STAG1: variants seen among roughly 807,000 people sequenced by gnomAD.
STAG1 encodes the protein cohesin subunit SA-1.
STAG1 carries 26 observed loss-of-function variants against 170.9 expected under a neutral mutation model. The observed-to-expected ratio is 0.15, with a 90% confidence interval of 0.11 to 0.21. The LOEUF (loss-of-function observed/expected upper bound fraction) is 0.21, where lower values mean the gene tolerates loss of function less well. STAG1 is among the 10% of genes least tolerant of loss of function. The probability of loss-of-function intolerance (pLI) is 1.00; values close to 1 mark genes in which losing one functional copy is unlikely to be tolerated. For synonymous variants in STAG1, 514 were observed against 497.7 expected (o/e 1.03, Z -0.44); for missense variants, 964 against 1,509.5 (o/e 0.64, Z 5.99).
At chr3:136,664,899 T>C (rs1941703147) in intron 1 of STAG1, among the ~76,000 whole-genome samples, 1 of 152,204 alleles carries the variant, frequency 6.6e-6, no homozygotes, top group Non-Finnish European at 1.5e-5. Context: ...AAAGATATTT[T>C]TTTAAAAACT....
At chr3:136,461,951 T>C (rs562719201) in intron 13 of STAG1, among the ~76,000 whole-genome samples, 1 of 152,204 alleles carries the variant, frequency 6.6e-6, no homozygotes, top group South Asian at 2.1e-4. Context: ...AAAAGTGCTC[T>C]CATTATTTAT....
At chr3:136,472,635 A>C (rs1012875384) in intron 11 of STAG1, 143 bp from the exon 12 acceptor site, 2 of 544,002 alleles carry the variant, frequency 3.7e-6, no homozygotes, top group Admixed American at 3.3e-5. Flanking sequence ...GCAGTATTGT[A>C]GTCCTACTCA....
intron 9 of STAG1, among the ~76,000 whole-genome samples, chr3:136,493,656 GAAAAA>G (rs549570470): frequency 1.6e-5 from 1 of 63,190 alleles, no homozygotes; most frequent in African/African-American, 5.7e-5. Context: ...TCCTGTCTCC[GAAAAA>G]AAAAAAAAAA....
intron 6 of STAG1, among the ~76,000 whole-genome samples, chr3:136,521,920 A>C (rs982876018): frequency 1.3e-5 from 2 of 152,278 alleles, no homozygotes; most frequent in African/African-American, 4.8e-5. Context: ...TTCCAACCAA[A>C]TTTCCTCAAA....
chr3:136,356,382 A>T (rs1253276202), intron 28 of STAG1, among the ~76,000 whole-genome samples: 2 of 152,146 alleles, frequency 1.3e-5, no homozygotes, highest in Admixed American at 6.5e-5. Flanking sequence ...TGTTATATTT[A>T]AAAAATCGAC....
intron 4 of STAG1, among the ~76,000 whole-genome samples, chr3:136,593,576 T>A (rs1039320727): frequency 6.6e-6 from 1 of 152,202 alleles, no homozygotes; most frequent in African/African-American, 2.4e-5. Context: ...ATTGAGAATT[T>A]CAATTATTTC....
intron 9 of STAG1, among the ~76,000 whole-genome samples, chr3:136,485,166 T>C (rs1484836047): frequency 6.6e-6 from 1 of 152,114 alleles, no homozygotes. Flanking sequence ...GTATAAAAAG[T>C]AGCTCTACTG....
At chr3:136,606,243 C>G (rs1421848187) in intron 3 of STAG1, among the ~76,000 whole-genome samples, 1 of 151,454 alleles carries the variant, frequency 6.6e-6, no homozygotes, top group Non-Finnish European at 1.5e-5. Context: ...GGCTGGAGTG[C>G]AGTGACACAA....
chr3:136,734,471 A>G (rs1934225777), intron 1 of STAG1, among the ~76,000 whole-genome samples: 1 of 152,216 alleles, frequency 6.6e-6, no homozygotes, highest in Non-Finnish European at 1.5e-5. Flanking sequence ...AGTACAGGTA[A>G]TATTTAACTA....
chr3:136,586,730 T>C (rs1937849152), intron 4 of STAG1: 3 of 364,068 alleles, frequency 8.2e-6, no homozygotes, highest in Non-Finnish European at 5.5e-6. Context: ...AAAATAATTG[T>C]AGTGTGACTA....
chr3:136,699,510 A>G (rs543299858), intron 1 of STAG1, among the ~76,000 whole-genome samples: 16 of 151,526 alleles, frequency 1.1e-4, no homozygotes, highest in African/African-American at 3.9e-4. Context: ...CCCACCTCAG[A>G]TTTACAAGTA....
chr3:136,585,201 G>A (rs1241715063), intron 4 of STAG1, among the ~76,000 whole-genome samples: 3 of 152,134 alleles, frequency 2.0e-5, no homozygotes, highest in Non-Finnish European at 2.9e-5. Context: ...CAGCAATTTG[G>A]GAGGCCAAGA....
chr3:136,491,904 A>AT (rs61427799), intron 9 of STAG1, among the ~76,000 whole-genome samples: 54,974 of 151,984 alleles, frequency 0.36, 10,930 homozygotes, highest in African/African-American at 0.52. Context: ...AGGCAGGAGA[A>AT]TCACCTGAAC....
At chr3:136,344,145 G>C in intron 29 of STAG1, 139 bp from the exon 30 acceptor site, 1 of 571,830 alleles carries the variant, frequency 1.7e-6, no homozygotes. Context: ...TTACTTACAT[G>C]ACTTTGTGTA....
At chr3:136,746,690 G>A (rs1257838404) in intron 1 of STAG1, among the ~76,000 whole-genome samples, 3 of 152,116 alleles carry the variant, frequency 2.0e-5, no homozygotes, top group African/African-American at 7.2e-5. Flanking sequence ...CCTCAGTCGG[G>A]CGCAGTGGCT....
intron 16 of STAG1, among the ~76,000 whole-genome samples, chr3:136,428,775 G>A (rs768770521): frequency 6.6e-6 from 1 of 152,302 alleles, no homozygotes; most frequent in South Asian, 2.1e-4. Flanking sequence ...CAAAGAGATT[G>A]TGGTTATAGT....
At chr3:136,549,910 T>C (rs775006229) in intron 5 of STAG1, among the ~76,000 whole-genome samples, 1 of 152,222 alleles carries the variant, frequency 6.6e-6, no homozygotes, top group Non-Finnish European at 1.5e-5. Context: ...AAACTCTTTG[T>C]CTGGTATCTA....
chr3:136,553,863 CAT>C (rs1245713101), intron 5 of STAG1, among the ~76,000 whole-genome samples: 1 of 152,014 alleles, frequency 6.6e-6, no homozygotes, highest in Non-Finnish European at 1.5e-5. Flanking sequence ...AAAAAGAAAA[CAT>C]AGAACAGGAG....
At chr3:136,374,716 A>G (rs1937516800) in intron 23 of STAG1, among the ~76,000 whole-genome samples, 1 of 152,112 alleles carries the variant, frequency 6.6e-6, no homozygotes, top group Admixed American at 6.6e-5. Flanking sequence ...TAAAAAGTTT[A>G]CAAAGAAAAA....
Sources: allele counts gnomAD v4.1 joint callset (sites outside exome capture counted in the v4.1 genomes callset), GRCh38; gene constraint gnomAD v4.1.1; transcripts MANE v1.5; gene names NCBI Gene and HGNC (gene_info 2026-07-23, HGNC 2026-07-21).